Variants in ATM observed in about 807,000 individuals in gnomAD.
The protein encoded by ATM is ATM serine/threonine kinase, also known as serine-protein kinase ATM.
In ATM, 308 loss-of-function variants were observed where a neutral mutation model predicts 387.0. That is an observed-to-expected ratio of 0.80 (90% CI 0.73 to 0.87). ATM has a LOEUF of 0.87. ATM is among the 40% of genes least tolerant of loss of function. The probability of loss-of-function intolerance (pLI) is 0.00; values close to 1 mark genes in which losing one functional copy is unlikely to be tolerated. For missense variants in ATM, 3,312 were observed against 3,560.9 expected (o/e 0.93, Z 1.78); for synonymous variants, 1,156 against 1,187.3 (o/e 0.97, Z 0.54).
At chr11:108,348,570 A>T (rs1788787047) in intron 59 of ATM, among the ~76,000 whole-genome samples, 1 of 151,974 alleles carries the variant, frequency 6.6e-6, no homozygotes, top group Non-Finnish European at 1.5e-5. Flanking sequence ...TATAAGAAAG[A>T]AGTGTGAATG....
At chr11:108,317,124 G>C (rs1218678072) in intron 42 of ATM, among the ~76,000 whole-genome samples, 2 of 149,070 alleles carry the variant, frequency 1.3e-5, no homozygotes, top group African/African-American at 5.0e-5. Context: ...AAAAATTGTA[G>C]AGACAGGTCT....
chr11:108,336,152 A>C (rs2086829184), intron 56 of ATM, 191 bp downstream of exon 56: 1 of 521,526 alleles, frequency 1.9e-6, no homozygotes. Flanking sequence ...AAAAAAAAAA[A>C]AAAAGCCAGA....
chr11:108,364,439 A>G (rs558281835), intron 61 of ATM, among the ~76,000 whole-genome samples: 2 of 152,330 alleles, frequency 1.3e-5, no homozygotes, highest in East Asian at 3.9e-4. Context: ...TGCTCTAGCC[A>G]TGTCAGTTGT....
At chr11:108,286,312 CAAAAAAAAAAAAA>C (rs34917552) in intron 26 of ATM, among the ~76,000 whole-genome samples, 80 of 47,182 alleles carry the variant, frequency 1.7e-3, no homozygotes, top group Middle Eastern at 0.015. Flanking sequence ...GATTTCGTCT[CAAAAAAAAAAAAA>C]AAAAAAAAAA....
chr11:108,290,973 C>T (rs542829911), intron 29 of ATM, among the ~76,000 whole-genome samples: 47 of 152,010 alleles, frequency 3.1e-4, no homozygotes, highest in Middle Eastern at 3.4e-3. Context: ...TAGTGGCTCA[C>T]GCCTGTAATC....
In ATM at chr11:108,279,534, G is replaced by A. The variant is rs147112946; in HGVS notation, c.3328G>A (p.Ala1110Thr). ...GGGAGATTCTTCCAGGTTACTGAAA[G>A]CACTTCCTTTGAAGCTTCAGCAAAC... ...TKGDSSRLLK[A>T]LPLKLQQTAF... Residue 1110 changes from alanine to threonine, a missense_variant, in exon 23 of 63, where the codon GCA becomes ACA. Ala to Thr is a moderately conservative substitution (Grantham distance 58). This residue lies in a region of ATM where 1,791 missense variants were observed against 1,804.5 expected (regional missense o/e 0.99). Coordinates refer to ENST00000675843, the MANE Select transcript of ATM (RefSeq NM_000051.4). The A allele has an allele frequency of 8.7e-6, 14 of 1,613,548 alleles. No homozygotes were observed. The highest frequency in any genetic ancestry group is 1.2e-5 in the Non-Finnish European group (14 of 1,179,764).
intron 5 of ATM, among the ~76,000 whole-genome samples, chr11:108,238,587 A>G (rs1348012726): frequency 2.0e-5 from 3 of 152,192 alleles, no homozygotes; most frequent in African/African-American, 7.2e-5. Flanking sequence ...CAAAAATTAT[A>G]CAGAAGTCCA....
chr11:108,331,663 A>G (rs1034973848), intron 51 of ATM, 106 bp downstream of exon 51: 9 of 1,408,796 alleles, frequency 6.4e-6, no homozygotes, highest in South Asian at 1.4e-5. Flanking sequence ...GAAATACAAA[A>G]TTTTGTATTT....
At chr11:108,327,827 C>G (rs1006595236) in intron 48 of ATM, 69 bp downstream of exon 48, 3 of 1,160,048 alleles carry the variant, frequency 2.6e-6, no homozygotes, top group Non-Finnish European at 3.8e-6. Context: ...TCATCAAGAT[C>G]AATATATTTC....
intron 22 of ATM, among the ~76,000 whole-genome samples, chr11:108,274,010 T>A (rs1344156027): frequency 6.6e-6 from 1 of 152,184 alleles, no homozygotes; most frequent in Non-Finnish European, 1.5e-5. Flanking sequence ...CCTGGGCTTT[T>A]TTTGGTTGGT....
intron 22 of ATM, among the ~76,000 whole-genome samples, chr11:108,277,442 G>A (rs2082005602): frequency 6.6e-6 from 1 of 152,184 alleles, no homozygotes; most frequent in African/African-American, 2.4e-5. Flanking sequence ...CTAGCTCAGT[G>A]TCTGCCCAAA....
chr11:108,260,932 G>A (rs2080834081), intron 16 of ATM, among the ~76,000 whole-genome samples: 1 of 152,200 alleles, frequency 6.6e-6, no homozygotes, highest in Admixed American at 6.5e-5. Flanking sequence ...TTTGCGACGG[G>A]CTTAAAAAAC....
At chr11:108,321,777 ACT>A (rs2085250355) in intron 45 of ATM, among the ~76,000 whole-genome samples, 1 of 151,582 alleles carries the variant, frequency 6.6e-6, no homozygotes, top group Non-Finnish European at 1.5e-5. Context: ...ACAGAGCGAG[ACT>A]CTGTCTCAAA....
chr11:108,368,109 G>A lies in ATM; in HGVS notation c.*2601G>A, dbSNP rs907555795. The A allele has an allele frequency of 4.8e-6, 1 of 207,332 alleles. No homozygotes were observed. Among genetic ancestry groups the A allele is most frequent in the Non-Finnish European group, 9.8e-6 (1 of 101,806 alleles). The allele number at this position is 207,332 out of a possible 1,614,324, so 12.8% of individuals were successfully genotyped here. ...GCTATGAGGCTCCTGTTCTGTTCAA[G>A]TATTCTAATCAATGGCTTTGAAAAG... On this transcript the variant is annotated 3_prime_UTR_variant, in exon 63 of 63. Coordinates refer to ENST00000675843, the MANE Select transcript of ATM (RefSeq NM_000051.4).
intron 5 of ATM, chr11:108,236,205 T>G (rs142425785): frequency 2.2e-5 from 6 of 267,146 alleles, no homozygotes; most frequent in African/African-American, 1.4e-4. Context: ...AACTCAACCA[T>G]GATTTAAGTA....
Position 108,271,184 on chromosome 11 carries a change from G to C in ATM, c.2921+38G>C, listed in dbSNP as rs769622471. 28 of 1,612,358 alleles carry C rather than the reference G, an allele frequency of 1.7e-5. No individual in the cohort carries two copies. The highest frequency in any genetic ancestry group is 3.3e-4 in the Middle Eastern group (2 of 6,050). On this transcript the variant is annotated intron_variant, in intron 19 of 62. Transcript: ENST00000675843. ...AACCTTATGTTATGTTCACTTTAAA[G>C]TTATAAAATAACTGATGTGTTCTGT...
intron 29 of ATM, among the ~76,000 whole-genome samples, chr11:108,291,692 G>A (rs2082802818): frequency 6.6e-6 from 1 of 152,254 alleles, no homozygotes; most frequent in African/African-American, 2.4e-5. Context: ...AGATTTCCTT[G>A]GATACCAAGA....
intron 37 of ATM, 77 bp from the exon 38 acceptor site, chr11:108,307,816 GAGAC>G (rs1291370256): frequency 7.8e-7 from 1 of 1,280,292 alleles, no homozygotes; most frequent in Non-Finnish European, 1.1e-6. Context: ...AGCATAGTGG[GAGAC>G]AGACACATAA....
intron 15 of ATM, 86 bp from the exon 16 acceptor site, chr11:108,258,900 C>T (rs2080684312): frequency 9.6e-7 from 1 of 1,043,962 alleles, no homozygotes; most frequent in African/African-American, 1.6e-5. Flanking sequence ...TATCTACATT[C>T]CATTCAAGAT....
Sources: gnomAD v4.1 joint callset for allele counts (sites outside exome capture counted in the v4.1 genomes callset) on GRCh38, gnomAD v4.1.1 for gene constraint, gnomAD v4.1.1 regional missense constraint, MANE v1.5 for transcripts, NCBI Gene and HGNC (gene_info 2026-07-23, HGNC 2026-07-21) for gene names.